Variants in ARVCF observed in about 807,000 individuals in gnomAD.
ARVCF encodes the protein splicing regulator ARVCF.
In ARVCF, 66 loss-of-function variants were observed where a neutral mutation model predicts 90.9. The observed-to-expected ratio is 0.73, with a 90% CI of 0.60 to 0.89. The LOEUF (loss-of-function observed/expected upper bound fraction) is 0.89, where lower values mean the gene tolerates loss of function less well. ARVCF is among the 40% of genes least tolerant of loss of function. The probability of loss-of-function intolerance (pLI) is 0.00; values close to 1 mark genes in which losing one functional copy is unlikely to be tolerated. For synonymous variants in ARVCF, 653 were observed against 603.4 expected, an observed-to-expected ratio of 1.08 and a Z score of -1.21; for missense variants, 1,469 against 1,382.3, an observed-to-expected ratio of 1.06 and a Z score of -1.00.
intron 6 of ARVCF, 75 bp downstream of exon 6, chr22:19,979,667 TG>T: frequency 6.8e-7 from 1 of 1,480,560 alleles, no homozygotes; most frequent in Non-Finnish European, 9.0e-7. Flanking sequence ...GCAGGCCGAG[TG>T]GCCTCGTTCC....
At chr22:19,992,358 CTG>C (rs1163574905) in intron 2 of ARVCF, among the ~76,000 whole-genome samples, 2 of 152,222 alleles carry the variant, frequency 1.3e-5, no homozygotes, top group African/African-American at 4.8e-5. Context: ...CCGCCCGAGA[CTG>C]AGGTGCAGAC....
Position 19,980,125 on chromosome 22 carries a change from C to G in ARVCF, c.1014G>C (p.Arg338=), listed in dbSNP as rs114883426. 6.5e-5 allele frequency: 103 copies of G among 1,591,084 alleles called. No homozygotes were observed. The East Asian group carries it at 2.2e-3, about 34-fold the overall frequency. The stretch of plus-strand genomic sequence containing the variant: ...CCACTGAGGGCGAGCGCCGCACCAG[C>G]CGGTCCAGGCTGCCCATGCTGCCCC... ...PERGSMGSLD[R]LVRRSPSVDS... is the part of the protein sequence containing the mutation. The change falls in exon 6 of 20, where the codon CGG becomes CGC. Residue 338 remains arginine (R), a synonymous_variant. Transcript: ENST00000263207.
chr22:19,996,721 T>G (rs143695915), intron 2 of ARVCF, among the ~76,000 whole-genome samples: 2 of 151,910 alleles, frequency 1.3e-5, no homozygotes, highest in African/African-American at 4.8e-5. Flanking sequence ...CAGTAGGAAA[T>G]AGACAAACCA....
At position 19,973,992 on chromosome 22, in the gene ARVCF, A is replaced by T. The variant is rs1601577868; in HGVS notation, c.2088+120T>A. The T allele has an allele frequency of 6.6e-6, 10 of 1,510,240 alleles. No homozygotes were observed. In the East Asian group the frequency reaches 2.0e-4, roughly 31 times the overall value. 93.6% of individuals were successfully genotyped at this position (1,510,240 alleles called of 1,614,324 possible). ...TGCCCGCAGCCCATACACCTCTTGGATCCTGGGGTGGTGGTGTGGCCCCTC... is the reference window on the plus strand; with the variant it reads ...TGCCCGCAGCCCATACACCTCTTGGTTCCTGGGGTGGTGGTGTGGCCCCTC... On this transcript the variant is annotated intron_variant, in intron 12 of 19. Coordinates refer to ENST00000263207, the MANE Select transcript of ARVCF (RefSeq NM_001670.3).
chr22:19,979,028 G>T lies in ARVCF; in HGVS notation c.1449C>A (p.Asp483Glu). The T allele has an allele frequency of 6.2e-7, 1 of 1,613,424 alleles. No homozygotes were observed. The highest frequency in any genetic ancestry group is 8.5e-7 in the Non-Finnish European group (1 of 1,179,940). ...CGTGGGTCAGCGTCTGCAGGCCATG[G>T]TCAATGATGACCATCTTCAGGGGCT... is the stretch of plus-strand genomic sequence containing the variant. ...SYEPLKMVII[D>E]HGLQTLTHEV... The change falls in exon 7 of 20, where the codon GAC (aspartate) becomes GAA (glutamate). Residue 483 changes from aspartate to glutamate, a missense_variant. Coordinates refer to ENST00000263207, the MANE Select transcript of ARVCF (RefSeq NM_001670.3).
intron 2 of ARVCF, among the ~76,000 whole-genome samples, chr22:20,001,639 A>G (rs1006035490): frequency 2.0e-5 from 3 of 152,130 alleles, no homozygotes; most frequent in African/African-American, 7.2e-5. Context: ...CCCCATCTCT[A>G]CTAAAGATAC....
intron 7 of ARVCF, 93 bp downstream of exon 7, chr22:19,978,804 C>T (rs1056391406): frequency 6.9e-7 from 1 of 1,445,640 alleles, no homozygotes; most frequent in Non-Finnish European, 9.3e-7. Context: ...AGCTCTGGCG[C>T]TCCTAAGCTC....
At chr22:20,006,185 A>G (rs1363705440) in intron 2 of ARVCF, among the ~76,000 whole-genome samples, 1 of 152,238 alleles carries the variant, frequency 6.6e-6, no homozygotes, top group Non-Finnish European at 1.5e-5. Context: ...TTGCACAGCA[A>G]TGTGAACAAA....
chr22:19,966,335 G>A (rs540964401), downstream of ARVCF, among the ~76,000 whole-genome samples: 5 of 151,552 alleles, frequency 3.3e-5, no homozygotes, highest in Non-Finnish European at 7.4e-5. Flanking sequence ...GGAGCAGGTT[G>A]CAATTCAAAA....
At chr22:19,971,099 C>G in intron 19 of ARVCF, 117 bp downstream of exon 19, 2 of 1,519,014 alleles carry the variant, frequency 1.3e-6, no homozygotes, top group South Asian at 2.4e-5. Context: ...GACTGGAGGC[C>G]AAAGTCCTGC....
chr22:20,010,480 C>T lies in ARVCF; in HGVS notation c.-44G>A, dbSNP rs1944786454. ...CTGTCTTGAGGGAAGATCAGCATGT[C>T]CCGACACCCACCCTGCAGGCTCTGG... On this transcript the variant is annotated 5_prime_UTR_variant, in exon 2 of 20. Coordinates refer to ENST00000263207, the MANE Select transcript of ARVCF (RefSeq NM_001670.3). The T allele has an allele frequency of 1.3e-5, 2 of 152,260 alleles. No homozygotes were observed. The highest frequency in any genetic ancestry group is 4.8e-5 in the African/African-American group (2 of 41,436). The allele number at this position is 152,260 out of a possible 1,614,324, so 9.4% of individuals were successfully genotyped here.
At position 19,972,995 on chromosome 22, in the gene ARVCF, T is replaced by G. The variant is rs1942914975; in HGVS notation, c.2480A>C (p.Gln827Pro). Residue 827 changes from glutamine (Q) to proline (P), a missense_variant, in exon 15 of 20, where the codon CAG (glutamine) becomes CCG (proline). Coordinates refer to ENST00000263207, the MANE Select transcript of ARVCF (RefSeq NM_001670.3). The stretch of plus-strand genomic sequence containing the variant: ...CAGCTCCTTGTAGCTCCACACTGTC[T>G]GCAGCACGTGTGACGCCGCCTTCGC... ...REAKAASHVL[Q>P]TVWSYKELRG... 1.9e-6 allele frequency: 3 copies of G among 1,613,500 alleles called. No homozygotes were observed. Among genetic ancestry groups the G allele is most frequent in the Non-Finnish European group, 2.5e-6 (3 of 1,179,992 alleles).
chr22:20,010,962 T>C (rs1666462525), intron 1 of ARVCF, among the ~76,000 whole-genome samples: 1 of 152,232 alleles, frequency 6.6e-6, no homozygotes, highest in African/African-American at 2.4e-5. Context: ...CTCCTGAGGT[T>C]CCCTGAGGCC....
rs1942706929 is a variant in ARVCF, at chr22:19,970,679, G to GAGC, written c.*76_*77insGCT. The GAGC allele has an allele frequency of 7.8e-7, 1 of 1,288,322 alleles. No individual in the cohort carries two copies. The highest frequency in any genetic ancestry group is 1.5e-5 in the African/African-American group (1 of 65,602). The allele number at this position is 1,288,322 out of a possible 1,614,324, so 79.8% of individuals were successfully genotyped here. ...CAGGGGGCTCCAAGCTCCACGGCAC[G>GAGC]ATCTGCTCAGGGTGGCCCTTCTTCC... On this transcript the variant is annotated 3_prime_UTR_variant, in exon 20 of 20. Transcript: ENST00000263207.
rs749477289 is a variant in ARVCF, at chr22:19,981,330, ATAC to A, written c.774_776del (p.Tyr259del). 1 of 1,605,160 alleles carries A rather than the reference ATAC, an allele frequency of 6.2e-7. No individual in the cohort carries two copies. Among genetic ancestry groups the A allele is most frequent in the Non-Finnish European group, 8.5e-7 (1 of 1,176,776 alleles). ...GGCTGCGCGTGTCATCCTCCAAGCCATACGGCTCTGCCTGGAAGCGCTCGGGCA... is the reference window on the plus strand; with the variant it reads ...GGCTGCGCGTGTCATCCTCCAAGCCAGGCTCTGCCTGGAAGCGCTCGGGCA... On this transcript the variant is annotated inframe_deletion, in exon 5 of 20. Coordinates refer to ENST00000263207, the MANE Select transcript of ARVCF (RefSeq NM_001670.3).
chr22:19,976,002 G>A (rs1005261156), intron 10 of ARVCF, among the ~76,000 whole-genome samples: 3 of 152,070 alleles, frequency 2.0e-5, no homozygotes, highest in Non-Finnish European at 4.4e-5. Flanking sequence ...TCTCCCACCA[G>A]GTGCTGGGAG....
rs556648110 is a variant in ARVCF, at chr22:19,973,251, G to A, written c.2306C>T (p.Ala769Val). The change falls in exon 14 of 20, where the codon GCC becomes GTC. Residue 769 changes from alanine to valine, a missense_variant. Ala to Val is a moderately conservative substitution (Grantham distance 64). Coordinates refer to ENST00000263207, the MANE Select transcript of ARVCF (RefSeq NM_001670.3). ...CACCACGGTGTCTTCCTCCAGGCAG[G>A]CCCCCGGTCGCGGCGGAGCCTGTGC... ...RNAQAPPRPG[A>V]CLEEDTVVAV... The A allele has an allele frequency of 1.9e-6, 3 of 1,609,852 alleles. No homozygotes were observed. The highest frequency in any genetic ancestry group is 2.5e-6 in the Non-Finnish European group (3 of 1,179,058).
chr22:20,013,619 C>T (rs1453328858), intron 1 of ARVCF, among the ~76,000 whole-genome samples: 5 of 152,350 alleles, frequency 3.3e-5, no homozygotes, highest in East Asian at 1.9e-4. Flanking sequence ...CTCAGCTCCC[C>T]GTTGCTCTGC....
At chr22:19,968,678 T>C (rs1267202190), downstream of ARVCF, 4 of 1,613,758 alleles carry the variant, frequency 2.5e-6, no homozygotes, top group South Asian at 1.1e-5. Context: ...TACAGGGAGG[T>C]GGTGGACGGC....
Sources: gnomAD v4.1 joint callset for allele counts (sites outside exome capture counted in the v4.1 genomes callset) on GRCh38, gnomAD v4.1.1 for gene constraint, MANE v1.5 for transcripts, NCBI Gene and HGNC (gene_info 2026-07-23, HGNC 2026-07-21) for gene names.